Variants in TMEM74 observed in about 807,000 individuals in gnomAD.
The protein encoded by TMEM74 is transmembrane protein 74.
TMEM74 carries 13 observed loss-of-function variants against 18.1 expected under a neutral mutation model. The ratio of observed to expected loss-of-function variants is 0.72; its 90% confidence interval spans 0.47 to 1.14. TMEM74 has a LOEUF of 1.14. Among genes scored for constraint, TMEM74 ranks in the 50% most tolerant of loss-of-function variants. The pLI, the probability that TMEM74 is intolerant of heterozygous loss-of-function variation, is 0.00. For synonymous variants in TMEM74, 159 were observed against 146.6 expected, an observed-to-expected ratio of 1.08 and a Z score of -0.61; for missense variants, 372 against 375.9, an observed-to-expected ratio of 0.99 and a Z score of 0.09.
intron 1 of TMEM74, among the ~76,000 whole-genome samples, chr8:108,723,242 G>A (rs936502073): frequency 6.6e-6 from 1 of 152,174 alleles, no homozygotes; most frequent in African/African-American, 2.4e-5. Context: ...GCCATGTGAT[G>A]TTATATATGC....
intron 1 of TMEM74, among the ~76,000 whole-genome samples, chr8:108,758,587 A>T (rs1215294419): frequency 6.6e-6 from 1 of 152,090 alleles, no homozygotes. Context: ...ACTGTGGAGG[A>T]TGCTGAGTAA....
intron 3 of TMEM74, chr8:108,607,802 A>G (rs759129897): frequency 4.6e-5 from 7 of 152,228 alleles, no homozygotes; most frequent in Non-Finnish European, 7.3e-5. Flanking sequence ...GCATTATATT[A>G]CTTTATTCAC....
At chr8:108,669,664 T>A (rs1036776772) in intron 1 of TMEM74, among the ~76,000 whole-genome samples, 9 of 152,070 alleles carry the variant, frequency 5.9e-5, no homozygotes, top group African/African-American at 1.9e-4. Context: ...CTATTTCCAT[T>A]GTCAGTTTAT....
intron 1 of TMEM74, among the ~76,000 whole-genome samples, chr8:108,744,481 G>A (rs769708683): frequency 6.6e-6 from 1 of 152,154 alleles, no homozygotes; most frequent in African/African-American, 2.4e-5. Flanking sequence ...AGGGGGAAAG[G>A]CAGGTATGAA....
chr8:108,750,357 C>T (rs1813892092), intron 1 of TMEM74, among the ~76,000 whole-genome samples: 1 of 152,142 alleles, frequency 6.6e-6, no homozygotes, highest in Non-Finnish European at 1.5e-5. Flanking sequence ...TGAGCAAACA[C>T]ATTTACAGAA....
At chr8:108,612,232 T>TA (rs538009893) in intron 2 of TMEM74, among the ~76,000 whole-genome samples, 9 of 150,752 alleles carry the variant, frequency 6.0e-5, no homozygotes, top group South Asian at 2.1e-4. Context: ...ATTTCTATGT[T>TA]AAAAAAAAAT....
At chr8:108,673,723 AAAAG>A (rs1474189954) in intron 1 of TMEM74, among the ~76,000 whole-genome samples, 1 of 152,206 alleles carries the variant, frequency 6.6e-6, no homozygotes, top group Non-Finnish European at 1.5e-5. Context: ...AGAGGGGACA[AAAAG>A]AAAGTACTGT....
intron 1 of TMEM74, among the ~76,000 whole-genome samples, chr8:108,738,217 A>C (rs1219248748): frequency 2.0e-5 from 3 of 152,098 alleles, no homozygotes; most frequent in Non-Finnish European, 4.4e-5. Context: ...CCACCTCTCT[A>C]CTAAGCTTAA....
At chr8:108,739,752 G>C (rs1208757269) in intron 1 of TMEM74, among the ~76,000 whole-genome samples, 1 of 152,098 alleles carries the variant, frequency 6.6e-6, no homozygotes, top group Non-Finnish European at 1.5e-5. Context: ...GCTTTAGCTA[G>C]GGTGACTTGG....
rs201199308 is a variant in TMEM74 at position 108,784,971 on chromosome 8, T to G, written c.128A>C (p.Gln43Pro). Residue 43 changes from glutamine (Q) to proline (P), a missense_variant, in exon 2 of 2, where the codon CAG becomes CCG. Coordinates refer to ENST00000297459, the MANE Select transcript of TMEM74 (RefSeq NM_153015.3). ...TCTTGGGGTGGATGCACACTGTTTC[T>G]GACAGCAGAGAGCAGCTCTTGTGGC... Reference protein sequence around the residue: ...TAATRAALCCQKQCASTPRAT... With the variant: ...TAATRAALCCPKQCASTPRAT... The G allele has an allele frequency of 1.2e-6, 2 of 1,614,146 alleles. No individual in the cohort carries two copies.
At chr8:108,734,998 T>C (rs1417158258) in intron 1 of TMEM74, among the ~76,000 whole-genome samples, 1 of 152,224 alleles carries the variant, frequency 6.6e-6, no homozygotes, top group Non-Finnish European at 1.5e-5. Flanking sequence ...CCCTAATGAC[T>C]CTTCCGCATT....
downstream of TMEM74, among the ~76,000 whole-genome samples, chr8:108,774,160 CT>C (rs1814202718): frequency 6.6e-6 from 1 of 152,154 alleles, no homozygotes; most frequent in Non-Finnish European, 1.5e-5. Context: ...AGGAAATTAA[CT>C]ATAAGCAGGT....
intron 1 of TMEM74, among the ~76,000 whole-genome samples, chr8:108,736,439 A>C (rs1054281195): frequency 5.3e-5 from 8 of 152,148 alleles, no homozygotes; most frequent in African/African-American, 1.9e-4. Context: ...TGACAACTCT[A>C]GTGATAATTA....
intron 1 of TMEM74, among the ~76,000 whole-genome samples, chr8:108,741,300 C>A (rs1227998722): frequency 1.3e-5 from 2 of 152,108 alleles, no homozygotes; most frequent in African/African-American, 2.4e-5. Context: ...AAGTAAGATT[C>A]AAATTCTTAG....
At chr8:108,616,161 G>A (rs187343509) in intron 2 of TMEM74, among the ~76,000 whole-genome samples, 1 of 152,292 alleles carries the variant, frequency 6.6e-6, no homozygotes, top group East Asian at 1.9e-4. Context: ...TCTTCCAAGA[G>A]TGCTCATGGC....
At chr8:108,670,034 T>TAAA (rs1563745188) in intron 1 of TMEM74, among the ~76,000 whole-genome samples, 3 of 113,942 alleles carry the variant, frequency 2.6e-5, no homozygotes, top group Non-Finnish European at 3.5e-5. Context: ...TAAGATTCTG[T>TAAA]GAAAAAAAAA....
chr8:108,639,838 A>G (rs1431048571), intron 2 of TMEM74, among the ~76,000 whole-genome samples: 1 of 152,154 alleles, frequency 6.6e-6, no homozygotes, highest in East Asian at 1.9e-4. Flanking sequence ...TGTCTTCAGC[A>G]GAGAACCACT....
intron 1 of TMEM74, among the ~76,000 whole-genome samples, chr8:108,670,910 G>T (rs1007243331): frequency 2.0e-5 from 3 of 152,136 alleles, no homozygotes; most frequent in Non-Finnish European, 2.9e-5. Flanking sequence ...GCGAATCAAA[G>T]TTCCAAGAAT....
At chr8:108,768,175 T>C (rs1021659399) in intron 1 of TMEM74, among the ~76,000 whole-genome samples, 4 of 152,166 alleles carry the variant, frequency 2.6e-5, no homozygotes, top group Non-Finnish European at 5.9e-5. Flanking sequence ...ATCCTTCCCA[T>C]TAAATCTTGT....
Sources: allele counts gnomAD v4.1 joint callset (sites outside exome capture counted in the v4.1 genomes callset), GRCh38; gene constraint gnomAD v4.1.1; transcripts MANE v1.5; gene names NCBI Gene and HGNC (gene_info 2026-07-23, HGNC 2026-07-21).